RASGRF2: variants seen among roughly 807,000 people sequenced by gnomAD.
RASGRF2 encodes the protein ras-specific guanine nucleotide-releasing factor 2.
RASGRF2 carries 76 observed loss-of-function variants against 151.0 expected under a neutral mutation model. The observed-to-expected ratio is 0.50, with a 90% CI of 0.42 to 0.61. The LOEUF (loss-of-function observed/expected upper bound fraction) is 0.61, where lower values mean the gene tolerates loss of function less well. RASGRF2 is among the 20% of genes least tolerant of loss of function. RASGRF2 has a pLI of 0.00. For synonymous variants in RASGRF2, 504 were observed against 566.5 expected (o/e 0.89, Z 1.57); for missense variants, 1,148 against 1,564.6 (o/e 0.73, Z 4.49).
chr5:81,009,811 G>T (rs945862330), intron 1 of RASGRF2, among the ~76,000 whole-genome samples: 1 of 152,118 alleles, frequency 6.6e-6, no homozygotes, highest in Admixed American at 6.6e-5. Context: ...AACTATGCTG[G>T]AATAGCATTG....
intron 15 of RASGRF2, among the ~76,000 whole-genome samples, chr5:81,121,587 G>GA (rs1216416784): frequency 6.6e-6 from 1 of 152,132 alleles, no homozygotes; most frequent in Non-Finnish European, 1.5e-5. Flanking sequence ...TGAACTTAGG[G>GA]AAAAAATAAT....
At chr5:81,175,984 T>G (rs558506584) in intron 17 of RASGRF2, among the ~76,000 whole-genome samples, 3 of 152,146 alleles carry the variant, frequency 2.0e-5, no homozygotes, top group Non-Finnish European at 4.4e-5. Context: ...TGTAGCAGTT[T>G]GATCATTTTT....
chr5:80,997,694 G>A (rs912605777), intron 1 of RASGRF2: 12 of 152,174 alleles, frequency 7.9e-5, no homozygotes, highest in African/African-American at 2.7e-4. Flanking sequence ...TTGTTGCCGG[G>A]CGTGGTGGCT....
At chr5:81,176,020 T>G (rs901589195) in intron 17 of RASGRF2, among the ~76,000 whole-genome samples, 4 of 152,188 alleles carry the variant, frequency 2.6e-5, no homozygotes, top group African/African-American at 7.2e-5. Flanking sequence ...TGTATACTCA[T>G]TAGCTGTGAT....
chr5:81,061,805 G>GC (rs1463840529), intron 2 of RASGRF2, among the ~76,000 whole-genome samples: 3 of 151,392 alleles, frequency 2.0e-5, no homozygotes, highest in Admixed American at 6.6e-5. Context: ...TCCCGCCTTG[G>GC]CCCCCCAAGT....
intron 1 of RASGRF2, among the ~76,000 whole-genome samples, chr5:80,976,006 G>A (rs934433845): frequency 2.0e-5 from 3 of 151,966 alleles, no homozygotes; most frequent in African/African-American, 4.8e-5. Flanking sequence ...CACCACACCC[G>A]ACTAATTTTG....
chr5:81,225,150 G>A (rs1755945483), intron 26 of RASGRF2, among the ~76,000 whole-genome samples: 2 of 152,148 alleles, frequency 1.3e-5, no homozygotes, highest in African/African-American at 4.8e-5. Context: ...ACTCCAGGAA[G>A]CATGCTAACA....
chr5:81,225,893 G>C lies in RASGRF2; in HGVS notation c.*123G>C. ...GCTCCTTTCTCCACCAAAGAAGATG[G>C]AACCAGACTGGAATTCTGTCTCCAG... On this transcript the variant is annotated 3_prime_UTR_variant, in exon 27 of 27. Transcript: ENST00000265080. 9.7e-7 allele frequency: 1 copy of C among 1,034,810 alleles called. No individual in the cohort carries two copies. The highest frequency in any genetic ancestry group is 1.3e-6 in the Non-Finnish European group (1 of 757,748). The allele number at this position is 1,034,810 out of a possible 1,614,324, so 64.1% of individuals were successfully genotyped here.
At chr5:81,176,556 C>T (rs1183690631) in intron 17 of RASGRF2, among the ~76,000 whole-genome samples, 1 of 151,942 alleles carries the variant, frequency 6.6e-6, no homozygotes, top group Non-Finnish European at 1.5e-5. Flanking sequence ...CATCAGGTTC[C>T]TGATCCCTGT....
intron 15 of RASGRF2, among the ~76,000 whole-genome samples, chr5:81,120,023 C>T (rs1318411259): frequency 6.6e-6 from 1 of 152,078 alleles, no homozygotes; most frequent in Non-Finnish European, 1.5e-5. Flanking sequence ...GCCCGTAGAG[C>T]CAACCTTTAC....
chr5:81,118,474 G>A (rs1171861942), intron 15 of RASGRF2, among the ~76,000 whole-genome samples: 1 of 152,180 alleles, frequency 6.6e-6, no homozygotes, highest in Admixed American at 6.5e-5. Flanking sequence ...TGTCAACCTG[G>A]CCCTCAAGGT....
At chr5:81,105,988 G>T (rs1752834978) in intron 12 of RASGRF2, among the ~76,000 whole-genome samples, 1 of 152,148 alleles carries the variant, frequency 6.6e-6, no homozygotes, top group African/African-American at 2.4e-5. Flanking sequence ...CACATAGTAA[G>T]TACTTGATAA....
intron 16 of RASGRF2, among the ~76,000 whole-genome samples, chr5:81,124,818 T>G (rs201386500): frequency 1.3e-5 from 2 of 152,190 alleles, no homozygotes; most frequent in African/African-American, 4.8e-5. Flanking sequence ...TTAAGCCAAT[T>G]ATTTCAAGTC....
At chr5:81,115,898 C>G (rs1374891265) in intron 15 of RASGRF2, among the ~76,000 whole-genome samples, 1 of 150,384 alleles carries the variant, frequency 6.6e-6, no homozygotes, top group Non-Finnish European at 1.5e-5. Context: ...ATAGAGTGCT[C>G]TGGAAGCTGA....
At chr5:81,001,054 G>GA (rs1271367125) in intron 1 of RASGRF2, among the ~76,000 whole-genome samples, 1 of 152,172 alleles carries the variant, frequency 6.6e-6, no homozygotes, top group East Asian at 1.9e-4. Flanking sequence ...CAGACCCTAG[G>GA]ATGCATGCAG....
intron 2 of RASGRF2, among the ~76,000 whole-genome samples, chr5:81,045,643 G>A (rs1750812617): frequency 7.1e-6 from 1 of 140,766 alleles, no homozygotes; most frequent in Non-Finnish European, 1.6e-5. Flanking sequence ...GGTCCATTAG[G>A]TTTGCTTTTC....
chr5:81,198,524 C>T (rs1755318689), intron 18 of RASGRF2, among the ~76,000 whole-genome samples: 1 of 152,074 alleles, frequency 6.6e-6, no homozygotes, highest in South Asian at 2.1e-4. Flanking sequence ...ACGGCAAGCT[C>T]CGCCTGCCGG....
At chr5:80,982,533 G>A (rs1200034312) in intron 1 of RASGRF2, among the ~76,000 whole-genome samples, 4 of 151,582 alleles carry the variant, frequency 2.6e-5, no homozygotes, top group Non-Finnish European at 4.4e-5. Flanking sequence ...TGGAAAGGAA[G>A]ATAGAGCTGT....
chr5:81,129,034 G>A (rs1241861250), intron 17 of RASGRF2, among the ~76,000 whole-genome samples: 1 of 152,188 alleles, frequency 6.6e-6, no homozygotes, highest in Non-Finnish European at 1.5e-5. Context: ...AACTACTTGG[G>A]AGGCTGAGGC....
Sources: gnomAD v4.1 joint callset for allele counts (sites outside exome capture counted in the v4.1 genomes callset) on GRCh38, gnomAD v4.1.1 for gene constraint, MANE v1.5 for transcripts, NCBI Gene and HGNC (gene_info 2026-07-23, HGNC 2026-07-21) for gene names.